The following THOC2 variants were observed in gnomAD, a reference collection of about 807,000 sequenced individuals.
The protein encoded by THOC2 is THO complex 2.
A neutral mutation model predicts 128.4 loss-of-function variants in THOC2; 10 were observed. The observed-to-expected ratio is 0.08, with a 90% CI of 0.05 to 0.13. The LOEUF (loss-of-function observed/expected upper bound fraction) is 0.13. Among genes scored for constraint, THOC2 ranks in the 10% least tolerant of loss-of-function variants. THOC2 has a pLI of 1.00. For synonymous variants in THOC2, 393 were observed against 396.9 expected (o/e 0.99, Z 0.12); for missense variants, 535 against 1,155.7 (o/e 0.46, Z 7.79).
At chrX:123,700,868 TATC>T in intron 4 of THOC2, among the ~76,000 whole-genome samples, 1 of 111,381 alleles carries the variant, frequency 9.0e-6, no homozygotes, top group African/African-American at 3.3e-5. Context: ...CTTAAATTGT[TATC>T]ATTATTATTG....
At chrX:123,693,798 G>C (rs1299089184) in intron 7 of THOC2, among the ~76,000 whole-genome samples, 1 of 111,367 alleles carries the variant, frequency 9.0e-6, no homozygotes, top group African/African-American at 3.3e-5. Flanking sequence ...TCAGGGAATA[G>C]CAGGGAGTTT....
At chrX:123,638,752 T>C (rs754285886) in intron 17 of THOC2, among the ~76,000 whole-genome samples, 182 bp downstream of exon 17, 1 of 88,925 alleles carries the variant, frequency 1.1e-5, no homozygotes. Context: ...ACACACACAC[T>C]CTCTCTCTCT....
At chrX:123,674,685 C>A (rs1016802642) in intron 8 of THOC2, among the ~76,000 whole-genome samples, 4 of 111,023 alleles carry the variant, frequency 3.6e-5, no homozygotes, top group African/African-American at 1.3e-4. Context: ...CCATTTTGAT[C>A]CCCTTCTTTT....
intron 8 of THOC2, among the ~76,000 whole-genome samples, chrX:123,683,529 T>C (rs1237240581): frequency 9.0e-6 from 1 of 110,878 alleles, no homozygotes; most frequent in African/African-American, 3.3e-5. Context: ...CCAAAACTTT[T>C]CAAAAATATC....
Position 123,668,274 on chromosome X carries a change from C to T in THOC2, c.902G>A (p.Arg301Gln). 1 of 1,200,551 alleles carries T rather than the reference C, an allele frequency of 8.3e-7. No individual in the cohort carries two copies. The highest frequency in any genetic ancestry group is 1.1e-6 in the Non-Finnish European group (1 of 890,170). The change falls in exon 10 of 39, where the codon CGA becomes CAA. Residue 301 changes from arginine (R) to glutamine (Q), a missense_variant. Around this residue, in one of 9 missense-constraint regions of THOC2, gnomAD observed 197 missense variants for 313.4 expected, o/e 0.63. Coordinates refer to ENST00000245838, the MANE Select transcript of THOC2 (RefSeq NM_001081550.2). ...AATTTGCTTAGCTTCCGCAATTTCT[C>T]GTTTGTGTTCATCCATAATGCAATT... is the stretch of plus-strand genomic sequence containing the variant. ...ADNCIMDEHK[R>Q]EIAEAKQIVR...
Position 123,697,721 on chromosome X carries a change from CT to C in THOC2, c.304del (p.Ser102AlafsTer11). 2 of 1,097,550 alleles carry C rather than the reference CT, an allele frequency of 1.8e-6. No homozygotes were observed. The highest frequency in any genetic ancestry group is 1.2e-6 in the Non-Finnish European group (1 of 811,034). The allele number at this position is 1,097,550 out of a possible 1,213,427, so 90.5% of individuals were successfully genotyped here. ...DIETNCLEEK[S>X]KRDYFTQLVL... is the part of the protein sequence containing the mutation. ...CAACTGTGTAAAATAGTCTCTCTTG[CT>C]TTTTTCTTCTAAACAATTTGTCTCA... On this transcript the variant is annotated frameshift_variant, in exon 5 of 39. Transcript: ENST00000245838. LOFTEE classifies it high-confidence loss of function.
At chrX:123,654,470 G>A (rs1407659641) in intron 12 of THOC2, among the ~76,000 whole-genome samples, 2 of 108,259 alleles carry the variant, frequency 1.8e-5, no homozygotes, top group Non-Finnish European at 3.8e-5. Flanking sequence ...TTTTAAGTTT[G>A]AATAGGCAGA....
chrX:123,633,900 C>T (rs2047578155), intron 20 of THOC2, 53 bp downstream of exon 20: 9 of 744,663 alleles, frequency 1.2e-5, no homozygotes, highest in Non-Finnish European at 1.8e-5. Context: ...TTACTATGAC[C>T]GTGCATACAT....
intron 3 of THOC2, among the ~76,000 whole-genome samples, chrX:123,704,428 G>T (rs1236461673): frequency 9.0e-6 from 1 of 111,629 alleles, no homozygotes; most frequent in Non-Finnish European, 1.9e-5. Flanking sequence ...GGTTTCTATC[G>T]AATCCATCAT....
Position 123,611,421 on chromosome X carries a change from A to G in THOC2, c.4754+19T>C, listed in dbSNP as rs1259891143. On this transcript the variant is annotated intron_variant, in intron 37 of 38. Transcript: ENST00000245838. ...GCTTTCTACTACACTAACTGAAAACATCAAAATGAAAAGGATATTGTTTCT... is the reference window on the plus strand; with the variant it reads ...GCTTTCTACTACACTAACTGAAAACGTCAAAATGAAAAGGATATTGTTTCT... 12 of 1,159,270 alleles carry G rather than the reference A, an allele frequency of 1.0e-5. No homozygotes were observed. The African/African-American group carries it at 1.3e-4, about 12-fold the overall frequency.
chrX:123,671,771 T>C lies in THOC2; in HGVS notation c.769-10A>G. On this transcript the variant is annotated splice_polypyrimidine_tract_variant and intron_variant, in intron 8 of 38. Coordinates refer to ENST00000245838, the MANE Select transcript of THOC2 (RefSeq NM_001081550.2). ...TCTCGCCATTTGGTTCCTAGAAATA[T>C]AAAAAAAAAAGTTTCCATTTAGTGC... 6 of 1,032,987 alleles carry C rather than the reference T, an allele frequency of 5.8e-6. No homozygotes were observed. Among genetic ancestry groups the C allele is most frequent in the Non-Finnish European group, 7.8e-6 (6 of 769,820 alleles). The allele number at this position is 1,032,987 out of a possible 1,213,427, so 85.1% of individuals were successfully genotyped here. A position where few individuals can be genotyped will look rare whatever the true frequency, so the allele number is the denominator to read the frequency against.
At chrX:123,682,533 T>G (rs1181255591) in intron 8 of THOC2, among the ~76,000 whole-genome samples, 1 of 112,178 alleles carries the variant, frequency 8.9e-6, no homozygotes, top group East Asian at 2.8e-4. Context: ...TCCTCAGACA[T>G]CTATACAGTT....
chrX:123,606,971 C>G (rs1443154413), intron 38 of THOC2, among the ~76,000 whole-genome samples: 2 of 110,827 alleles, frequency 1.8e-5, no homozygotes, highest in Non-Finnish European at 3.8e-5. Flanking sequence ...AACTCAACAT[C>G]CCTGAGTTGA....
intron 24 of THOC2, 70 bp downstream of exon 24, chrX:123,626,451 C>T (rs1186699441): frequency 9.6e-7 from 1 of 1,036,700 alleles, no homozygotes; most frequent in East Asian, 3.2e-5. Flanking sequence ...ACTTTAACAC[C>T]TCTAAAGTTA....
chrX:123,673,428 G>C (rs1292657293), intron 8 of THOC2, among the ~76,000 whole-genome samples: 1 of 111,698 alleles, frequency 9.0e-6, no homozygotes, highest in Non-Finnish European at 1.9e-5. Context: ...TTGTGGCCAG[G>C]GTTTCAAAAC....
chrX:123,654,721 T>C (rs1367099906), intron 12 of THOC2, among the ~76,000 whole-genome samples: 6 of 86,795 alleles, frequency 6.9e-5, no homozygotes, highest in African/African-American at 2.7e-4. Context: ...ATTGCGCCAC[T>C]GCATTCCAGC....
Position 123,687,566 on chromosome X carries a change from T to C in THOC2, c.602-852A>G, listed in dbSNP as rs182914536. ...AAACACTTATACCTTATGGATGAGT[T>C]AGGGGATTTTCCCAAGAAAATTCCT... On this transcript the variant is annotated intron_variant, in intron 7 of 38. Transcript: ENST00000245838. 5.4e-5 allele frequency among the ~76,000 whole-genome samples: 6 copies of C among 112,110 alleles called. No individual in the cohort carries two copies. The East Asian group carries it at 1.7e-3, about 31-fold the overall frequency.
At position 123,631,766 on chromosome X, in the gene THOC2, A is replaced by G; in HGVS notation, c.2403T>C (p.Asp801=). The G allele has an allele frequency of 8.3e-7, 1 of 1,209,220 alleles. No individual in the cohort carries two copies. The highest frequency in any genetic ancestry group is 1.1e-6 in the Non-Finnish European group (1 of 893,175). The change falls in exon 22 of 39, where the codon GAT becomes GAC. Residue 801 remains aspartate, a synonymous_variant. Transcript: ENST00000245838. ...EDYIKRVPSI[D]VLCNEFHTPH... ...GTGTATGAAATTCATTACAGAGTAC[A>G]TCAATTGAAGGCACTCGCTTTATAT... is the stretch of plus-strand genomic sequence containing the variant.
chrX:123,658,073 G>A (rs1474848722), intron 12 of THOC2, among the ~76,000 whole-genome samples: 1 of 108,845 alleles, frequency 9.2e-6, no homozygotes, highest in Non-Finnish European at 1.9e-5. Flanking sequence ...TGCTGTTATT[G>A]TAAGGTACTC....
Sources: allele counts gnomAD v4.1 joint callset (sites outside exome capture counted in the v4.1 genomes callset), GRCh38; gene constraint gnomAD v4.1.1; regional missense constraint gnomAD v4.1.1; transcripts MANE v1.5; gene names NCBI Gene and HGNC (gene_info 2026-07-23, HGNC 2026-07-21).